Variants in POU6F2 observed in about 807,000 individuals in gnomAD.
POU6F2 encodes POU domain, class 6, transcription factor 2.
Under a neutral mutation model 71.3 loss-of-function variants are expected in POU6F2, and 31 were observed. The ratio of observed to expected loss-of-function variants is 0.43; its 90% CI spans 0.33 to 0.59. The LOEUF (loss-of-function observed/expected upper bound fraction) is 0.59. Ranked by LOEUF, POU6F2 falls within the 20% of genes least tolerant of loss-of-function variation. POU6F2 has a pLI of 0.04. For missense variants in POU6F2, 783 were observed against 856.8 expected (o/e 0.91, Z 1.07); for synonymous variants, 347 against 355.7 (o/e 0.98, Z 0.27).
intron 2 of POU6F2, among the ~76,000 whole-genome samples, chr7:39,138,740 T>G (rs1792436002): frequency 6.6e-6 from 1 of 152,206 alleles, no homozygotes. Context: ...ATAAATGTAA[T>G]GTGCTTAAAT....
At chr7:38,993,175 G>A (rs1223895861) in intron 1 of POU6F2, among the ~76,000 whole-genome samples, 2 of 151,768 alleles carry the variant, frequency 1.3e-5, no homozygotes, top group African/African-American at 4.8e-5. Context: ...ATTTTTTCTT[G>A]GTTTTTCAGC....
chr7:39,406,541 C>T, intron 5 of POU6F2, 59 bp from the exon 6 acceptor site: 2 of 1,581,624 alleles, frequency 1.3e-6, no homozygotes, highest in Non-Finnish European at 1.7e-6. Context: ...AATGTTGTGT[C>T]CGTGTGCTGT....
chr7:39,098,684 T>A (rs553876088), intron 2 of POU6F2, among the ~76,000 whole-genome samples: 1 of 152,332 alleles, frequency 6.6e-6, no homozygotes, highest in East Asian at 1.9e-4. Context: ...GGTAATAACA[T>A]GTTGAAGCTT....
chr7:39,269,413 A>G (rs2128756410), intron 4 of POU6F2, among the ~76,000 whole-genome samples: 1 of 151,948 alleles, frequency 6.6e-6, no homozygotes. Context: ...GCTGCCTGGG[A>G]CCCTCCCCAG....
At chr7:39,039,074 T>C (rs1790124697) in intron 1 of POU6F2, among the ~76,000 whole-genome samples, 1 of 152,044 alleles carries the variant, frequency 6.6e-6, no homozygotes, top group Admixed American at 6.6e-5. Flanking sequence ...TGTTGGACAA[T>C]TGTATCACAA....
intron 1 of POU6F2, among the ~76,000 whole-genome samples, chr7:39,073,603 G>T (rs1470132997): frequency 6.6e-6 from 1 of 152,198 alleles, no homozygotes; most frequent in Non-Finnish European, 1.5e-5. Context: ...AAAGGAGAGT[G>T]GATTACAAGA....
chr7:39,421,820 C>A (rs1013336778), intron 6 of POU6F2, among the ~76,000 whole-genome samples: 4 of 152,016 alleles, frequency 2.6e-5, no homozygotes. Flanking sequence ...TTCTAAGGAC[C>A]AAAGCTGAGT....
chr7:39,436,982 C>T lies in POU6F2; in HGVS notation c.1320+3699C>T, dbSNP rs1042174891. 1.1e-4 allele frequency among the ~76,000 whole-genome samples: 17 copies of T among 152,286 alleles called. 1 individual carries two copies. Among genetic ancestry groups the T allele is most frequent in the South Asian group, 8.3e-4 (4 of 4,822 alleles). On this transcript the variant is annotated intron_variant, in intron 7 of 9. Coordinates refer to ENST00000518318, the MANE Select transcript of POU6F2 (RefSeq NM_001370959.1). Reference sequence around the variant, plus strand: ...ATCCCAGGGATGAAGCCGACTTGATCGTGGTGGATAAGTTTTGATCTGCTG... The same window carrying T: ...ATCCCAGGGATGAAGCCGACTTGATTGTGGTGGATAAGTTTTGATCTGCTG...
chr7:39,260,920 T>C (rs1784126125), intron 4 of POU6F2, among the ~76,000 whole-genome samples: 1 of 151,426 alleles, frequency 6.6e-6, no homozygotes, highest in South Asian at 2.1e-4. Context: ...TATCATATTA[T>C]ACACATCTCA....
intron 2 of POU6F2, among the ~76,000 whole-genome samples, chr7:39,150,942 G>T (rs1792743976): frequency 6.6e-6 from 1 of 151,906 alleles, no homozygotes; most frequent in Non-Finnish European, 1.5e-5. Context: ...GCCTTTATAT[G>T]AGGTTATTTA....
At chr7:39,229,239 G>A (rs188975002) in intron 4 of POU6F2, among the ~76,000 whole-genome samples, 2 of 152,310 alleles carry the variant, frequency 1.3e-5, no homozygotes, top group Admixed American at 6.5e-5. Flanking sequence ...ATTTGTTTGC[G>A]CATCCTCCAG....
At chr7:39,421,166 C>T (rs778538849) in intron 6 of POU6F2, among the ~76,000 whole-genome samples, 67 of 151,984 alleles carry the variant, frequency 4.4e-4, no homozygotes, top group Admixed American at 3.9e-3. Flanking sequence ...AACTCATCAG[C>T]GTAATTCTTA....
At chr7:39,260,642 A>G (rs200726371) in intron 4 of POU6F2, among the ~76,000 whole-genome samples, 10,998 of 151,614 alleles carry the variant, frequency 0.073, 472 homozygotes, top group South Asian at 0.2. Flanking sequence ...CCACACATAC[A>G]TCACATGCAT....
chr7:39,372,946 A>T (rs901588437), intron 5 of POU6F2, among the ~76,000 whole-genome samples: 3 of 152,200 alleles, frequency 2.0e-5, no homozygotes, highest in East Asian at 1.9e-4. Context: ...AAAGATATTT[A>T]AAAAATTAAA....
intron 1 of POU6F2, among the ~76,000 whole-genome samples, chr7:39,023,314 A>G (rs1116811): frequency 0.41 from 61,904 of 151,838 alleles, 12,994 homozygotes; most frequent in South Asian, 0.5. Flanking sequence ...AAGGCTTTTA[A>G]AAGAAGAAAT....
chr7:39,134,713 A>C (rs1240212578), intron 2 of POU6F2, among the ~76,000 whole-genome samples: 1 of 152,216 alleles, frequency 6.6e-6, no homozygotes, highest in Non-Finnish European at 1.5e-5. Flanking sequence ...AGGCAGGCTT[A>C]GACCCACGTA....
chr7:39,370,885 C>T (rs1363711191), intron 5 of POU6F2, among the ~76,000 whole-genome samples: 1 of 152,176 alleles, frequency 6.6e-6, no homozygotes, highest in Non-Finnish European at 1.5e-5. Flanking sequence ...TTTGAATTGC[C>T]AGACTCCAAA....
intron 5 of POU6F2, among the ~76,000 whole-genome samples, chr7:39,393,054 T>C (rs1010611737): frequency 6.6e-6 from 1 of 152,220 alleles, no homozygotes; most frequent in Non-Finnish European, 1.5e-5. Flanking sequence ...GTTTTATTAA[T>C]GGAAACTTCC....
intron 5 of POU6F2, among the ~76,000 whole-genome samples, chr7:39,370,402 GAA>G (rs1786584570): frequency 6.6e-6 from 1 of 152,210 alleles, no homozygotes; most frequent in South Asian, 2.1e-4. Flanking sequence ...ACTGAGAACT[GAA>G]AGTGTCCAAG....
Sources: gnomAD v4.1 joint callset for allele counts (sites outside exome capture counted in the v4.1 genomes callset) on GRCh38, gnomAD v4.1.1 for gene constraint, MANE v1.5 for transcripts, NCBI Gene and HGNC (gene_info 2026-07-23, HGNC 2026-07-21) for gene names.